GRB10: variants seen among roughly 807,000 people sequenced by gnomAD.
GRB10 encodes the protein growth factor receptor-bound protein 10.
In GRB10, 20 loss-of-function variants were observed where a neutral mutation model predicts 80.9. The ratio of observed to expected loss-of-function variants is 0.25; its 90% CI spans 0.17 to 0.36. The LOEUF is 0.36. Ranked by LOEUF, GRB10 falls within the 10% of genes least tolerant of loss-of-function variation. The pLI, the probability that GRB10 is intolerant of heterozygous loss-of-function variation, is 1.00. For synonymous variants in GRB10, 291 were observed against 291.5 expected, an observed-to-expected ratio of 1.00 and a Z score of 0.02; for missense variants, 548 against 747.7, an observed-to-expected ratio of 0.73 and a Z score of 3.12.
chr7:50,698,953 C>T (rs1034083981), intron 5 of GRB10, among the ~76,000 whole-genome samples: 1 of 152,234 alleles, frequency 6.6e-6, no homozygotes, highest in Non-Finnish European at 1.5e-5. Flanking sequence ...TCCACTTACT[C>T]AGGTTGTTTT....
intron 3 of GRB10, among the ~76,000 whole-genome samples, chr7:50,742,314 C>CACACACACACAT (rs1563676656): frequency 1.1e-4 from 16 of 148,016 alleles, no homozygotes; most frequent in African/African-American, 3.8e-4. Context: ...CACACACACA[C>CACACACACACAT]ATACACGGCA....
intron 3 of GRB10, among the ~76,000 whole-genome samples, chr7:50,746,223 T>C (rs1323196863): frequency 6.6e-6 from 1 of 152,208 alleles, no homozygotes; most frequent in African/African-American, 2.4e-5. Context: ...TCCTTACAAC[T>C]TACCATTGGG....
chr7:50,742,259 GCA>G (rs370605659), intron 3 of GRB10, among the ~76,000 whole-genome samples: 121,879 of 148,138 alleles, frequency 0.82, 49,817 homozygotes, highest in Middle Eastern at 0.91. Flanking sequence ...AAACACACGC[GCA>G]CGCGCGCGCG....
intron 4 of GRB10, among the ~76,000 whole-genome samples, chr7:50,711,720 T>C (rs2065928085): frequency 6.6e-6 from 1 of 152,178 alleles, no homozygotes. Flanking sequence ...AGCCGTCAGA[T>C]ACAGTGTAGT....
Position 50,749,134 on chromosome 7 carries a change from G to GTTT in GRB10, c.-47+6750_-47+6752dup, listed in dbSNP as rs11405172. ...TTTGTTTTGTTTTGTTTTTTTGTTT[G>GTTT]TTTTTTTTTTTTGAGATGGAGTCTC... On this transcript the variant is annotated intron_variant, in intron 3 of 18. Transcript: ENST00000401949. 2.0e-3 allele frequency among the ~76,000 whole-genome samples: 281 copies of GTTT among 137,928 alleles called. 8 individuals are homozygous for GTTT. Among genetic ancestry groups the GTTT allele is most frequent in the African/African-American group, 6.2e-3 (237 of 38,036 alleles). The allele number at this position is 137,928 out of a possible 152,430, so 90.5% of individuals were successfully genotyped here. A position where few individuals can be genotyped will look rare whatever the true frequency, so the allele number is the denominator to read the frequency against.
chr7:50,658,602 G>A (rs755235706), intron 7 of GRB10, among the ~76,000 whole-genome samples: 1 of 152,142 alleles, frequency 6.6e-6, no homozygotes, highest in East Asian at 1.9e-4. Context: ...TGTGAAAGAC[G>A]TATATAATTT....
intron 4 of GRB10, among the ~76,000 whole-genome samples, chr7:50,729,064 A>G (rs757307734): frequency 1.4e-4 from 21 of 152,214 alleles, no homozygotes; most frequent in Non-Finnish European, 2.8e-4. Context: ...GGGACACAGC[A>G]CTGAAATGGA....
chr7:50,622,954 C>T (rs1291970106), intron 8 of GRB10, among the ~76,000 whole-genome samples: 1 of 152,052 alleles, frequency 6.6e-6, no homozygotes, highest in Non-Finnish European at 1.5e-5. Context: ...CTGTGCCTGG[C>T]CAAAAATATC....
At chr7:50,665,534 G>A (rs1271669360) in intron 7 of GRB10, among the ~76,000 whole-genome samples, 2 of 152,180 alleles carry the variant, frequency 1.3e-5, no homozygotes, top group South Asian at 2.1e-4. Flanking sequence ...GGGTCTGACC[G>A]GCCCAGGTTT....
chr7:50,710,883 G>C (rs777726268), intron 4 of GRB10: 3 of 1,612,724 alleles, frequency 1.9e-6, no homozygotes, highest in Non-Finnish European at 1.7e-6. Flanking sequence ...ACCTTACTAC[G>C]GAACAGAGGG....
intron 2 of GRB10, among the ~76,000 whole-genome samples, chr7:50,780,086 C>T (rs200102595): frequency 7.2e-5 from 11 of 152,142 alleles, no homozygotes; most frequent in African/African-American, 2.4e-4. Flanking sequence ...TAACCTCTGC[C>T]GGCCGTGAGA....
At chr7:50,732,191 C>G in intron 4 of GRB10, 81 bp downstream of exon 4, 4 of 1,422,156 alleles carry the variant, frequency 2.8e-6, no homozygotes, top group Non-Finnish European at 4.0e-6. Flanking sequence ...CAGAAACGAT[C>G]CATGGCTGCT....
intron 17 of GRB10, among the ~76,000 whole-genome samples, chr7:50,601,101 G>A (rs1479666934): frequency 6.6e-6 from 1 of 152,264 alleles, no homozygotes; most frequent in Non-Finnish European, 1.5e-5. Flanking sequence ...TCCTTGGGAT[G>A]CAGAGACTGC....
chr7:50,733,266 C>T (rs563447437), intron 3 of GRB10, among the ~76,000 whole-genome samples: 4 of 152,274 alleles, frequency 2.6e-5, no homozygotes, highest in South Asian at 2.1e-4. Flanking sequence ...CCAAATCGGC[C>T]GATACCTTTG....
chr7:50,699,327 T>C (rs2063843742), intron 5 of GRB10, among the ~76,000 whole-genome samples: 1 of 152,256 alleles, frequency 6.6e-6, no homozygotes, highest in Admixed American at 6.5e-5. Context: ...TAATTCTAGA[T>C]GTTCATGAAC....
At chr7:50,619,034 A>G in intron 9 of GRB10, 136 bp downstream of exon 9, 1 of 688,386 alleles carries the variant, frequency 1.5e-6, no homozygotes, top group South Asian at 1.5e-5. Context: ...GCTTCATTAA[A>G]CTACAACTCT....
intron 13 of GRB10, chr7:50,606,842 G>A: frequency 4.2e-6 from 1 of 236,194 alleles, no homozygotes; most frequent in South Asian, 5.9e-5. Context: ...TTGACACAAT[G>A]AATTATCTGT....
intron 3 of GRB10, among the ~76,000 whole-genome samples, chr7:50,743,371 A>G (rs898733675): frequency 6.6e-6 from 1 of 152,208 alleles, no homozygotes; most frequent in Non-Finnish European, 1.5e-5. Flanking sequence ...AAAAGAGTAA[A>G]TTTTTTAAAT....
chr7:50,657,028 T>C (rs1387359980), intron 7 of GRB10, among the ~76,000 whole-genome samples: 7 of 152,166 alleles, frequency 4.6e-5, no homozygotes, highest in African/African-American at 1.2e-4. Flanking sequence ...CACTGTGAAG[T>C]AGGTAAATAT....
Sources: allele counts gnomAD v4.1 joint callset (sites outside exome capture counted in the v4.1 genomes callset), GRCh38; gene constraint gnomAD v4.1.1; transcripts MANE v1.5; gene names NCBI Gene and HGNC (gene_info 2026-07-23, HGNC 2026-07-21).